The following ATXN1 variants were observed in gnomAD, a reference collection of about 807,000 sequenced individuals.
ATXN1 encodes the protein ataxin 1.
A neutral mutation model predicts 56.4 loss-of-function variants in ATXN1; 8 were observed. That is an observed-to-expected ratio of 0.14 (90% CI 0.08 to 0.26). ATXN1 has a LOEUF of 0.26. Ranked by LOEUF, ATXN1 falls within the 10% of genes least tolerant of loss-of-function variation. The pLI is 1.00. For missense variants in ATXN1, 987 were observed against 1,106.5 expected, an observed-to-expected ratio of 0.89 and a Z score of 1.53; for synonymous variants, 514 against 494.6, an observed-to-expected ratio of 1.04 and a Z score of -0.52.
intron 3 of ATXN1, among the ~76,000 whole-genome samples, chr6:16,654,556 AAAAAAAAAAAG>A (rs953721499): frequency 4.3e-5 from 4 of 92,574 alleles, no homozygotes; most frequent in Non-Finnish European, 6.4e-5. Context: ...AAAAAAAAAA[AAAAAAAAAAAG>A]AGAGAGAGAG....
chr6:16,615,580 A>C (rs1012403217), intron 3 of ATXN1: 2 of 148,574 alleles, frequency 1.3e-5, no homozygotes, highest in Non-Finnish European at 3.0e-5. Flanking sequence ...CAATAGACAA[A>C]AATTATCATT....
At chr6:16,663,199 C>T (rs1354012169) in intron 2 of ATXN1, among the ~76,000 whole-genome samples, 1 of 151,976 alleles carries the variant, frequency 6.6e-6, no homozygotes, top group African/African-American at 2.4e-5. Flanking sequence ...TAACTCCTGA[C>T]CTCAGGTGAT....
In ATXN1 at chr6:16,396,612, CTT is replaced by C. The variant is rs1398652507; in HGVS notation, c.-160-68144_-160-68143del. ...AAGAAAGAACAATTTAAAAAACAAA[CTT>C]AGTGTAGCCTAAGTGTACAGTCCTT... On this transcript the variant is annotated intron_variant, in intron 6 of 7. Transcript: ENST00000436367. Among the ~76,000 whole-genome samples the C allele has an allele frequency of 4.6e-5, 7 of 152,242 alleles. No homozygotes were observed. The East Asian group carries it at 9.6e-4, about 21-fold the overall frequency.
At chr6:16,334,186 G>A (rs564597083) in intron 6 of ATXN1, among the ~76,000 whole-genome samples, 2 of 152,242 alleles carry the variant, frequency 1.3e-5, no homozygotes, top group Admixed American at 6.5e-5. Context: ...TATATGTTGC[G>A]AATAAGATTC....
At chr6:16,679,240 ATGGG>A (rs1456407279) in intron 2 of ATXN1, among the ~76,000 whole-genome samples, 1 of 149,820 alleles carries the variant, frequency 6.7e-6, no homozygotes, top group Admixed American at 6.7e-5. Flanking sequence ...AGATGGATGG[ATGGG>A]TGGGTGGATG....
intron 6 of ATXN1, among the ~76,000 whole-genome samples, chr6:16,468,478 C>A (rs1358285689): frequency 2.6e-5 from 4 of 152,170 alleles, no homozygotes; most frequent in Admixed American, 6.5e-5. Flanking sequence ...CGTGAGCCAC[C>A]ATGCCTGGCC....
chr6:16,523,489 C>T (rs963442185), intron 4 of ATXN1, among the ~76,000 whole-genome samples: 2 of 152,230 alleles, frequency 1.3e-5, no homozygotes, highest in Admixed American at 1.3e-4. Flanking sequence ...GGACTACAGG[C>T]ATGTGCCACC....
chr6:16,404,564 G>A (rs1462891315), intron 6 of ATXN1, among the ~76,000 whole-genome samples: 2 of 152,150 alleles, frequency 1.3e-5, no homozygotes, highest in Non-Finnish European at 2.9e-5. Flanking sequence ...TTCCTGTCAC[G>A]CTCAGCTTCC....
intron 2 of ATXN1, among the ~76,000 whole-genome samples, chr6:16,663,713 G>A (rs1355130225): frequency 6.6e-6 from 1 of 151,880 alleles, no homozygotes; most frequent in East Asian, 1.9e-4. Flanking sequence ...CACTTAGGCT[G>A]GAGTGTAGTG....
intron 2 of ATXN1, among the ~76,000 whole-genome samples, chr6:16,670,462 C>T (rs144388270): frequency 7.9e-5 from 12 of 152,278 alleles, no homozygotes; most frequent in African/African-American, 2.6e-4. Context: ...TTACTCTCTG[C>T]GATCTTCCTC....
intron 6 of ATXN1, among the ~76,000 whole-genome samples, chr6:16,443,917 C>T (rs572040340): frequency 6.6e-6 from 1 of 152,060 alleles, no homozygotes; most frequent in Non-Finnish European, 1.5e-5. Context: ...GAGATCGAGA[C>T]CATCCTGGCT....
In ATXN1 at chr6:16,384,535, T is replaced by C. The variant is rs73724845; in HGVS notation, c.-160-56065A>G. On this transcript the variant is annotated intron_variant, in intron 6 of 7. Coordinates refer to ENST00000436367, the MANE Select transcript of ATXN1 (RefSeq NM_001128164.2). Reference sequence around the variant, plus strand: ...CAGTTCCTGTTCTCAAGGAGCTCCATTGATATGGTTGGCATTTGTGTCCCC... The same window carrying C: ...CAGTTCCTGTTCTCAAGGAGCTCCACTGATATGGTTGGCATTTGTGTCCCC... 5.3e-5 allele frequency among the ~76,000 whole-genome samples: 8 copies of C among 152,360 alleles called. No individual in the cohort carries two copies. In the South Asian group the frequency reaches 1.7e-3, roughly 32 times the overall value.
intron 6 of ATXN1, among the ~76,000 whole-genome samples, chr6:16,359,247 T>C (rs538136841): frequency 6.6e-6 from 1 of 152,232 alleles, no homozygotes; most frequent in African/African-American, 2.4e-5. Context: ...GCCTGAAGGC[T>C]GGGGGCCGGG....
At chr6:16,469,840 G>A (rs1283134002) in intron 6 of ATXN1, among the ~76,000 whole-genome samples, 1 of 151,892 alleles carries the variant, frequency 6.6e-6, no homozygotes, top group Admixed American at 6.6e-5. Flanking sequence ...GCGGGCACCT[G>A]TAATCCCAGC....
At chr6:16,655,661 C>G (rs1043449292) in intron 3 of ATXN1, among the ~76,000 whole-genome samples, 1 of 151,716 alleles carries the variant, frequency 6.6e-6, no homozygotes, top group Non-Finnish European at 1.5e-5. Context: ...GCAGTCCAGC[C>G]TGGGCAACAA....
chr6:16,352,207 G>T (rs542177479), intron 6 of ATXN1, among the ~76,000 whole-genome samples: 1 of 152,174 alleles, frequency 6.6e-6, no homozygotes, highest in African/African-American at 2.4e-5. Flanking sequence ...GCAGCAATAA[G>T]GCAGTGACTG....
intron 3 of ATXN1, among the ~76,000 whole-genome samples, chr6:16,653,299 A>G (rs949463274): frequency 1.3e-5 from 2 of 152,206 alleles, no homozygotes; most frequent in South Asian, 4.1e-4. Context: ...AAGTGTCACC[A>G]CTGCAGTCTG....
At chr6:16,315,523 C>T (rs554127885) in intron 7 of ATXN1, among the ~76,000 whole-genome samples, 10 of 152,282 alleles carry the variant, frequency 6.6e-5, no homozygotes, top group Admixed American at 3.9e-4. Context: ...ACCCCTCTTG[C>T]GCCTTCCGTC....
chr6:16,703,737 G>A (rs1206095762), intron 2 of ATXN1, among the ~76,000 whole-genome samples: 1 of 152,208 alleles, frequency 6.6e-6, no homozygotes, highest in Non-Finnish European at 1.5e-5. Flanking sequence ...TGGTTAAAGT[G>A]GGTTGGGCAC....
Sources: allele counts gnomAD v4.1 joint callset (sites outside exome capture counted in the v4.1 genomes callset), GRCh38; gene constraint gnomAD v4.1.1; transcripts MANE v1.5; gene names NCBI Gene and HGNC (gene_info 2026-07-23, HGNC 2026-07-21).